GLCCI1: variants seen among roughly 807,000 people sequenced by gnomAD.
The protein encoded by GLCCI1 is glucocorticoid induced 1, also known as glucocorticoid-induced transcript 1 protein.
In GLCCI1, 24 loss-of-function variants were observed where a neutral mutation model predicts 52.2. The observed-to-expected ratio is 0.46, with a 90% CI of 0.33 to 0.65. The LOEUF (loss-of-function observed/expected upper bound fraction) is 0.65, where lower values mean the gene tolerates loss of function less well. Among genes scored for constraint, GLCCI1 ranks in the 30% least tolerant of loss-of-function variants. The probability of loss-of-function intolerance (pLI) is 0.02; values close to 1 mark genes in which losing one functional copy is unlikely to be tolerated. For missense variants in GLCCI1, 704 were observed against 701.5 expected (o/e 1.00, Z -0.04); for synonymous variants, 310 against 276.5 (o/e 1.12, Z -1.20).
Position 8,070,957 on chromosome 7 carries a change from C to T in GLCCI1, c.1003C>T (p.Pro335Ser). The change falls in exon 6 of 8, where the codon CCT (proline) becomes TCT (serine). Residue 335 changes from proline to serine, a missense_variant. Pro to Ser is a moderately conservative substitution (Grantham distance 74). Transcript: ENST00000223145. ...ACCAGATGGTCGAAGAGCTCCACTT[C>T]CTGCTCATTACCGGAGCAGTAGTAC... is the stretch of plus-strand genomic sequence containing the variant. ...DIPDGRRAPLPAHYRSSSTRS... is the reference protein window; with the variant it reads ...DIPDGRRAPLSAHYRSSSTRS... 6.2e-7 allele frequency: 1 copy of T among 1,614,146 alleles called. No individual in the cohort carries two copies. The highest frequency in any genetic ancestry group is 1.1e-5 in the South Asian group (1 of 91,080).
chr7:8,011,112 C>T (rs560640816), intron 2 of GLCCI1, among the ~76,000 whole-genome samples: 1 of 151,320 alleles, frequency 6.6e-6, no homozygotes, highest in East Asian at 2.0e-4. Flanking sequence ...GAGTGAGACT[C>T]TGTCTCCTCC....
intron 6 of GLCCI1, among the ~76,000 whole-genome samples, chr7:8,075,040 G>C (rs562721198): frequency 6.6e-6 from 1 of 152,090 alleles, no homozygotes; most frequent in Non-Finnish European, 1.5e-5. Context: ...TTTTATATAC[G>C]TATTCTTTTT....
intron 3 of GLCCI1, among the ~76,000 whole-genome samples, chr7:8,052,015 C>T (rs1782268452): frequency 6.6e-6 from 1 of 152,172 alleles, no homozygotes; most frequent in African/African-American, 2.4e-5. Flanking sequence ...GCTTTAGTCA[C>T]CTTGTCCTGG....
chr7:7,979,132 G>C (rs935760491), intron 1 of GLCCI1, among the ~76,000 whole-genome samples: 1 of 152,064 alleles, frequency 6.6e-6, no homozygotes, highest in African/African-American at 2.4e-5. Flanking sequence ...CATTAGTATT[G>C]CAAAAGTGAG....
intron 6 of GLCCI1, among the ~76,000 whole-genome samples, chr7:8,079,175 A>AT (rs1377332025): frequency 6.6e-6 from 1 of 151,342 alleles, no homozygotes; most frequent in Non-Finnish European, 1.5e-5. Flanking sequence ...TAATGCACTG[A>AT]TTTTTTTTCC....
chr7:8,048,681 G>A (rs77672302), intron 3 of GLCCI1, among the ~76,000 whole-genome samples: 5,556 of 152,212 alleles, frequency 0.037, 141 homozygotes, highest in Non-Finnish European at 0.056. Flanking sequence ...AAGGTAACCT[G>A]TTACTCTTTC....
chr7:8,040,479 G>A (rs894381510), intron 3 of GLCCI1, among the ~76,000 whole-genome samples: 7 of 149,970 alleles, frequency 4.7e-5, no homozygotes, highest in African/African-American at 1.5e-4. Flanking sequence ...GGCAGAGCAA[G>A]ACCCTGACTC....
At position 7,969,485 on chromosome 7, in the gene GLCCI1, C is replaced by A. The variant is rs1019630165; in HGVS notation, c.135C>A (p.Gly45=). The A allele has an allele frequency of 2.0e-6, 2 of 1,025,272 alleles. No individual in the cohort carries two copies. The highest frequency in any genetic ancestry group is 2.3e-6 in the Non-Finnish European group (2 of 858,582). 63.5% of individuals were successfully genotyped at this position (1,025,272 alleles called of 1,614,324 possible). A position where few individuals can be genotyped will look rare whatever the true frequency, so the allele number is the denominator to read the frequency against. ...CCGGGAGCGGGAACGGTGCGGGCGG[C>A]GGCGGCGGCGTGGGCTGCGCCCCGG... ...AAAGSGNGAG[G]GGGVGCAPAA... The change falls in exon 1 of 8, where the codon GGC becomes GGA. Residue 45 remains glycine (G), a synonymous_variant. Transcript: ENST00000223145. This position sits in a 1 kb window ranked among gnomAD's most constrained non-coding sequence, Gnocchi z 4.9.
rs114540347 is a variant in GLCCI1, at chr7:7,970,246, T to C, written c.457+439T>C. Among the ~76,000 whole-genome samples the C allele has an allele frequency of 8.7e-3, 1,327 of 152,336 alleles. 20 individuals are homozygous for C. The highest frequency in any genetic ancestry group is 0.03 in the African/African-American group (1,245 of 41,576). ...CTGTAACTACCGGGATAGTATTTTATTTTTTAGAGGGTTGGTGGCATTAGT... is the reference window on the plus strand; with the variant it reads ...CTGTAACTACCGGGATAGTATTTTACTTTTTAGAGGGTTGGTGGCATTAGT... On this transcript the variant is annotated intron_variant, in intron 1 of 7. Coordinates refer to ENST00000223145, the MANE Select transcript of GLCCI1 (RefSeq NM_138426.4).
At chr7:7,994,696 A>G (rs1443548392) in intron 1 of GLCCI1, among the ~76,000 whole-genome samples, 2 of 152,224 alleles carry the variant, frequency 1.3e-5, no homozygotes, top group African/African-American at 4.8e-5. Flanking sequence ...ATTCAAGTGT[A>G]GCACCTTTCT....
intron 5 of GLCCI1, among the ~76,000 whole-genome samples, chr7:8,069,609 G>C (rs1055405528): frequency 6.6e-6 from 1 of 152,134 alleles, no homozygotes; most frequent in African/African-American, 2.4e-5. Flanking sequence ...TCTCTGTATG[G>C]TGAGTATGTC....
chr7:8,079,390 C>G (rs139132257), intron 6 of GLCCI1, among the ~76,000 whole-genome samples: 3 of 146,930 alleles, frequency 2.0e-5, no homozygotes, highest in Non-Finnish European at 4.4e-5. Context: ...CCTACTTTTG[C>G]GCAAGATACA....
intron 2 of GLCCI1, among the ~76,000 whole-genome samples, chr7:8,013,511 G>C (rs1336283951): frequency 6.6e-6 from 1 of 152,064 alleles, no homozygotes; most frequent in African/African-American, 2.4e-5. Context: ...TGTATGGCTA[G>C]TCTTGCGTAT....
chr7:8,009,690 G>A (rs1169294135), intron 2 of GLCCI1, among the ~76,000 whole-genome samples: 1 of 152,176 alleles, frequency 6.6e-6, no homozygotes, highest in African/African-American at 2.4e-5. Context: ...ACCCATACAT[G>A]TAGTATGAGC....
chr7:8,075,069 T>C (rs1008705235), intron 6 of GLCCI1, among the ~76,000 whole-genome samples: 1 of 152,218 alleles, frequency 6.6e-6, no homozygotes, highest in African/African-American at 2.4e-5. Context: ...GCTAACATCA[T>C]TTTTGTGTGT....
At chr7:8,003,366 C>A (rs1027378218) in intron 1 of GLCCI1, among the ~76,000 whole-genome samples, 2 of 152,122 alleles carry the variant, frequency 1.3e-5, no homozygotes, top group African/African-American at 4.8e-5. Context: ...ATGTATTTTA[C>A]CTTTGGAAAA....
chr7:8,008,244 C>A (rs1489693880), intron 2 of GLCCI1, among the ~76,000 whole-genome samples: 1 of 151,810 alleles, frequency 6.6e-6, no homozygotes, highest in Non-Finnish European at 1.5e-5. Context: ...CCTCTGATAA[C>A]CACTATTCTA....
chr7:8,041,501 A>G (rs1335710687), intron 3 of GLCCI1, among the ~76,000 whole-genome samples: 26 of 152,216 alleles, frequency 1.7e-4, no homozygotes, highest in Admixed American at 1.7e-3. Flanking sequence ...ACTGTGGAAT[A>G]AGATGTTGTC....
intron 6 of GLCCI1, among the ~76,000 whole-genome samples, chr7:8,079,265 A>T (rs1782940659): frequency 1.2e-5 from 1 of 81,208 alleles, no homozygotes; most frequent in Non-Finnish European, 2.4e-5. Flanking sequence ...GTTTAACATG[A>T]ACAATATGTT....
Sources: allele counts gnomAD v4.1 joint callset (sites outside exome capture counted in the v4.1 genomes callset), GRCh38; gene constraint gnomAD v4.1.1; non-coding constraint Gnocchi (gnomAD v3.1); transcripts MANE v1.5; gene names NCBI Gene and HGNC (gene_info 2026-07-23, HGNC 2026-07-21).